Variants in FOXO4 observed in about 807,000 individuals in gnomAD.
The protein encoded by FOXO4 is forkhead box protein O4.
FOXO4 carries 3 observed loss-of-function variants against 20.8 expected under a neutral mutation model. The ratio of observed to expected loss-of-function variants is 0.14; its 90% CI spans 0.07 to 0.37. The LOEUF is 0.37. FOXO4 is among the 10% of genes least tolerant of loss of function. The pLI is 1.00. For missense variants in FOXO4, 309 were observed against 431.9 expected (o/e 0.72, Z 2.52); for synonymous variants, 158 against 180.0 (o/e 0.88, Z 0.98).
intron 2 of FOXO4, 101 bp from the exon 3 acceptor site, chrX:71,101,976 G>A: frequency 1.0e-6 from 1 of 987,264 alleles, no homozygotes; most frequent in Non-Finnish European, 1.4e-6. Flanking sequence ...TATGGAAGCG[G>A]GTTAGGTGCC....
rs1049482073 is a variant in FOXO4 at position 71,101,354 on chromosome X, C to T, written c.1124C>T (p.Pro375Leu). Residue 375 changes from proline (P) to leucine (L), a missense_variant, in exon 2 of 3, where the codon CCA (proline) becomes CTA (leucine). Pro to Leu is a moderately conservative substitution (Grantham distance 98). Around this residue, in one of 3 missense-constraint regions of FOXO4, gnomAD observed 223 missense variants for 302.7 expected, o/e 0.74. Coordinates refer to ENST00000374259, the MANE Select transcript of FOXO4 (RefSeq NM_005938.4). ...ALEALLTSDTPPPPADVLMTQ... is the reference protein window; with the variant it reads ...ALEALLTSDTLPPPADVLMTQ... ...GAGGCCCTGCTCACCTCTGATACGC[C>T]ACCACCCCCTGCTGACGTCCTCATG... is the stretch of plus-strand genomic sequence containing the variant. The T allele has an allele frequency of 1.7e-6, 2 of 1,211,543 alleles. No individual in the cohort carries two copies. The highest frequency in any genetic ancestry group is 2.2e-6 in the Non-Finnish European group (2 of 895,385).
rs2092234997 is a variant in FOXO4, at chrX:71,102,733, T to A, written c.*649T>A. 1 of 171,770 alleles carries A rather than the reference T, an allele frequency of 5.8e-6. No homozygotes were observed. The highest frequency in any genetic ancestry group is 1.1e-5 in the Non-Finnish European group (1 of 89,763). The allele number at this position is 171,770 out of a possible 1,213,427, so 14.2% of individuals were successfully genotyped here. On this transcript the variant is annotated 3_prime_UTR_variant, in exon 3 of 3. Coordinates refer to ENST00000374259, the MANE Select transcript of FOXO4 (RefSeq NM_005938.4). ...TAGTGGTGGGCAGAATGCTTTTTTTTCTTTCTGAAGGCTTTGTGATAGTGA... is the reference window on the plus strand; with the variant it reads ...TAGTGGTGGGCAGAATGCTTTTTTTACTTTCTGAAGGCTTTGTGATAGTGA...
rs375417891 is a variant in FOXO4, at chrX:71,096,521, C to T, written c.-8C>T. ...TGAACGCTGAGCCGGGGAGGTCCAA[C>T]TCCACGTATGGATCCGGGGAATGAG... is the stretch of plus-strand genomic sequence containing the variant. On this transcript the variant is annotated 5_prime_UTR_variant, in exon 1 of 3. Coordinates refer to ENST00000374259, the MANE Select transcript of FOXO4 (RefSeq NM_005938.4). The T allele has an allele frequency of 5.9e-5, 71 of 1,196,988 alleles. No individual in the cohort carries two copies. Among genetic ancestry groups the T allele is most frequent in the Non-Finnish European group, 7.8e-5 (69 of 886,950 alleles).
In FOXO4 at chrX:71,096,452, C is replaced by A. The variant is rs2092218167; in HGVS notation, c.-77C>A. 10 of 941,935 alleles carry A rather than the reference C, an allele frequency of 1.1e-5. No homozygotes were observed. The highest frequency in any genetic ancestry group is 2.2e-5 in the South Asian group (1 of 44,606). 77.6% of individuals were successfully genotyped at this position (941,935 alleles called of 1,213,427 possible). ...ATGTGCCTCCTGGCCCTCGATGCTT[C>A]CCCCCTGAGGGGAGGCATCGTGAGG... On this transcript the variant is annotated 5_prime_UTR_variant, in exon 1 of 3. Coordinates refer to ENST00000374259, the MANE Select transcript of FOXO4 (RefSeq NM_005938.4).
chrX:71,096,622 A>G lies in FOXO4; in HGVS notation c.94A>G (p.Thr32Ala). The stretch of plus-strand genomic sequence containing the variant: ...ACCCCAGAGCCGTCCCCGCTCCTGC[A>G]CCTGGCCCCTTCCCCGACCAGAGAT... ...FEPQSRPRSCTWPLPRPEIAN... is the reference protein window; with the variant it reads ...FEPQSRPRSCAWPLPRPEIAN... Residue 32 changes from threonine to alanine, a missense_variant, in exon 1 of 3, where the codon ACC (threonine) becomes GCC (alanine). Coordinates refer to ENST00000374259, the MANE Select transcript of FOXO4 (RefSeq NM_005938.4). The G allele has an allele frequency of 3.3e-6, 4 of 1,210,334 alleles. No homozygotes were observed. The highest frequency in any genetic ancestry group is 4.5e-6 in the Non-Finnish European group (4 of 894,655).
rs1485160020 is a variant in FOXO4 at position 71,102,986 on chromosome X, A to G, written c.*902A>G. 1 of 173,574 alleles carries G rather than the reference A, an allele frequency of 5.8e-6. No individual in the cohort carries two copies. The highest frequency in any genetic ancestry group is 1.1e-5 in the Non-Finnish European group (1 of 90,438). 14.3% of individuals were successfully genotyped at this position (173,574 alleles called of 1,213,427 possible). A position where few individuals can be genotyped will look rare whatever the true frequency, so the allele number is the denominator to read the frequency against. On this transcript the variant is annotated 3_prime_UTR_variant, in exon 3 of 3. Coordinates refer to ENST00000374259, the MANE Select transcript of FOXO4 (RefSeq NM_005938.4). ...TGTTAGGGTGCAGCCACACTCTTCT[A>G]TGACCCAGCATGGGTTAGTGCTATG...
Position 71,096,196 on chromosome X carries a change from G to A in FOXO4, c.-333G>A. On this transcript the variant is annotated 5_prime_UTR_variant, in exon 1 of 3. Coordinates refer to ENST00000374259, the MANE Select transcript of FOXO4 (RefSeq NM_005938.4). ...TAAGGAGACGTTCGGTGATGGGAGCGCAATATATGAGGGGATACAGTGCCT... is the reference window on the plus strand; with the variant it reads ...TAAGGAGACGTTCGGTGATGGGAGCACAATATATGAGGGGATACAGTGCCT... 2 of 271,076 alleles carry A rather than the reference G, an allele frequency of 7.4e-6. No homozygotes were observed. The highest frequency in any genetic ancestry group is 6.4e-5 in the East Asian group (1 of 15,570). 22.3% of individuals were successfully genotyped at this position (271,076 alleles called of 1,213,427 possible). A position where few individuals can be genotyped will look rare whatever the true frequency, so the allele number is the denominator to read the frequency against.
Position 71,100,849 on chromosome X carries a change from G to T in FOXO4, c.619G>T (p.Gly207Cys). 1 of 1,210,871 alleles carries T rather than the reference G, an allele frequency of 8.3e-7. No homozygotes were observed. The highest frequency in any genetic ancestry group is 1.1e-6 in the Non-Finnish European group (1 of 894,931). Residue 207 changes from glycine to cysteine, a missense_variant, in exon 2 of 3, where the codon GGC (glycine) becomes TGC (cysteine). Physicochemically the swap from Gly to Cys is radical, Grantham distance 159. Transcript: ENST00000374259. Reference sequence around the variant, plus strand: ...GGATAGCAGCAGCAAGCTGCTCCGGGGCCGCAGTAAAGCCCCCAAGAAGAA... The same window carrying T: ...GGATAGCAGCAGCAAGCTGCTCCGGTGCCGCAGTAAAGCCCCCAAGAAGAA... ...SMDSSSKLLR[G>C]RSKAPKKKPS...
In FOXO4 at chrX:71,100,656, C is replaced by T. The variant is rs759897028; in HGVS notation, c.454-28C>T. 6 of 1,132,804 alleles carry T rather than the reference C, an allele frequency of 5.3e-6. No individual in the cohort carries two copies. The Admixed American group carries it at 1.5e-4, about 28-fold the overall frequency. The allele number at this position is 1,132,804 out of a possible 1,213,427, so 93.4% of individuals were successfully genotyped here. A position where few individuals can be genotyped will look rare whatever the true frequency, so the allele number is the denominator to read the frequency against. On this transcript the variant is annotated intron_variant, in intron 1 of 2. Transcript: ENST00000374259. ...TGACCTCCCCTACAGTACCTCACGC[C>T]CCTTTCCTGCCATCTCTGCCCCTCC...
chrX:71,100,224 A>G (rs1419267362), intron 1 of FOXO4, among the ~76,000 whole-genome samples: 2 of 96,141 alleles, frequency 2.1e-5, no homozygotes, highest in African/African-American at 7.7e-5. Context: ...AGAGCAGAGT[A>G]CCAGGAGCTT....
In FOXO4 at chrX:71,096,675, G is replaced by A. The variant is rs757079317; in HGVS notation, c.147G>A (p.Glu49=). The A allele has an allele frequency of 5.8e-6, 7 of 1,209,100 alleles. No homozygotes were observed. The highest frequency in any genetic ancestry group is 5.6e-6 in the Non-Finnish European group (5 of 894,608). ...CTAACCAGCCGTCCGAGCCGCCCGAGGTGGAGCCAGATCTGGGGGAAAAGG... is the reference window on the plus strand; with the variant it reads ...CTAACCAGCCGTCCGAGCCGCCCGAAGTGGAGCCAGATCTGGGGGAAAAGG... The part of the protein sequence containing the change: ...EIANQPSEPP[E]VEPDLGEKVH... Residue 49 remains glutamate, a synonymous_variant, in exon 1 of 3, where the codon GAG becomes GAA. Transcript: ENST00000374259.
chrX:71,096,654 C>G lies in FOXO4; in HGVS notation c.126C>G (p.Asn42Lys). 1.7e-6 allele frequency: 2 copies of G among 1,210,879 alleles called. No individual in the cohort carries two copies. The highest frequency in any genetic ancestry group is 2.2e-6 in the Non-Finnish European group (2 of 894,993). The change falls in exon 1 of 3, where the codon AAC (asparagine) becomes AAG (lysine). Residue 42 changes from asparagine (N) to lysine (K), a missense_variant. By Grantham distance (94) the Asn-to-Lys change is moderately conservative. Transcript: ENST00000374259. ...CCCTTCCCCGACCAGAGATCGCTAA[C>G]CAGCCGTCCGAGCCGCCCGAGGTGG... ...TWPLPRPEIANQPSEPPEVEP... is the reference protein window; with the variant it reads ...TWPLPRPEIAKQPSEPPEVEP...
intron 1 of FOXO4, among the ~76,000 whole-genome samples, chrX:71,098,693 C>T (rs370027499): frequency 1.8e-5 from 2 of 111,796 alleles, no homozygotes; most frequent in African/African-American, 3.3e-5. Context: ...AGGAGACAAA[C>T]GGGCCTTGTG....
intron 1 of FOXO4, 43 bp downstream of exon 1, chrX:71,097,024 C>G (rs1274455993): frequency 9.2e-7 from 1 of 1,084,099 alleles, no homozygotes; most frequent in Admixed American, 2.6e-5. Context: ...CCATCTACCC[C>G]CTGGACCCCC....
chrX:71,098,289 G>A (rs188880731), intron 1 of FOXO4, among the ~76,000 whole-genome samples: 2 of 112,110 alleles, frequency 1.8e-5, no homozygotes, highest in Non-Finnish European at 3.8e-5. Context: ...GTACCAAAAG[G>A]TTAGGAAATT....
intron 1 of FOXO4, 96 bp from the exon 2 acceptor site, chrX:71,100,588 A>G: frequency 1.6e-6 from 1 of 628,219 alleles, no homozygotes; most frequent in Non-Finnish European, 2.4e-6. Context: ...TAAACCCTAG[A>G]TCATCAGGGT....
intron 1 of FOXO4, among the ~76,000 whole-genome samples, chrX:71,100,358 T>C (rs1454085579): frequency 9.1e-6 from 1 of 109,312 alleles, no homozygotes; most frequent in African/African-American, 3.3e-5. Flanking sequence ...ATGTGTGTGG[T>C]CTCCCCTCAC....
At position 71,096,539 on chromosome X, in the gene FOXO4, G is replaced by T. The variant is rs987355232; in HGVS notation, c.11G>T (p.Gly4Val). The T allele has an allele frequency of 6.6e-6, 8 of 1,205,273 alleles. No homozygotes were observed. Among genetic ancestry groups the T allele is most frequent in the Non-Finnish European group, 9.0e-6 (8 of 892,485 alleles). The change falls in exon 1 of 3, where the codon GGG becomes GTG. Residue 4 changes from glycine (G) to valine (V), a missense_variant. Around this residue, in one of 3 missense-constraint regions of FOXO4, gnomAD observed 81 missense variants for 94.2 expected, o/e 0.86. Coordinates refer to ENST00000374259, the MANE Select transcript of FOXO4 (RefSeq NM_005938.4). MDP[G>V]NENSATEAAA... ...GGTCCAACTCCACGTATGGATCCGG[G>T]GAATGAGAATTCAGCCACAGAGGCT...
Position 71,101,132 on chromosome X carries a change from A to G in FOXO4, c.902A>G (p.Asn301Ser), listed in dbSNP as rs147459801. ...GCAGGGGGTGTCCCTCCCACCCTCA[A>G]TGAAGGTCTAGAGCTGTTAGATGGG... ...SYAGGVPPTL[N>S]EGLELLDGLN... is the part of the protein sequence containing the mutation. The change falls in exon 2 of 3, where the codon AAT (asparagine) becomes AGT (serine). Residue 301 changes from asparagine (N) to serine (S), a missense_variant. By Grantham distance (46) the Asn-to-Ser change is conservative (BLOSUM62 1). This residue lies in a region of FOXO4 where 223 missense variants were observed against 302.7 expected (regional missense o/e 0.74). Transcript: ENST00000374259. 292 of 1,209,267 alleles carry G rather than the reference A, an allele frequency of 2.4e-4. No homozygotes were observed. The highest frequency in any genetic ancestry group is 2.4e-4 in the East Asian group (8 of 33,728).
Sources: allele counts gnomAD v4.1 joint callset (sites outside exome capture counted in the v4.1 genomes callset), GRCh38; gene constraint gnomAD v4.1.1; regional missense constraint gnomAD v4.1.1; transcripts MANE v1.5; gene names NCBI Gene and HGNC (gene_info 2026-07-23, HGNC 2026-07-21).